The following SLC9C1 variants were observed in gnomAD, a reference collection of about 807,000 sequenced individuals.
SLC9C1 encodes sodium/hydrogen exchanger 10.
SLC9C1 carries 97 observed loss-of-function variants against 140.9 expected under a neutral mutation model. The ratio of observed to expected loss-of-function variants is 0.69; its 90% confidence interval spans 0.58 to 0.82. The LOEUF (loss-of-function observed/expected upper bound fraction) is 0.82. Ranked by LOEUF, SLC9C1 falls within the 40% of genes least tolerant of loss-of-function variation. The probability of loss-of-function intolerance (pLI) is 0.00; values close to 1 mark genes in which losing one functional copy is unlikely to be tolerated. For missense variants in SLC9C1, 1,340 were observed against 1,389.3 expected, an observed-to-expected ratio of 0.96 and a Z score of 0.56; for synonymous variants, 440 against 442.6, an observed-to-expected ratio of 0.99 and a Z score of 0.07.
At position 112,224,112 on chromosome 3, in the gene SLC9C1, A is replaced by G. The variant is rs529865343; in HGVS notation, c.1573-2887T>C. ...GTTCTCTACCCATGGTAGCATAGCCAGCTCCCTCATTCACAAGGGAGCAGA... is the reference window on the plus strand; with the variant it reads ...GTTCTCTACCCATGGTAGCATAGCCGGCTCCCTCATTCACAAGGGAGCAGA... On this transcript the variant is annotated intron_variant, in intron 13 of 28. Coordinates refer to ENST00000305815, the MANE Select transcript of SLC9C1 (RefSeq NM_183061.3). Among the ~76,000 whole-genome samples the G allele has an allele frequency of 2.6e-5, 4 of 152,308 alleles. No individual in the cohort carries two copies. In the East Asian group the frequency reaches 5.8e-4, roughly 22 times the overall value.
At chr3:112,289,955 T>G (rs1013185088) in intron 1 of SLC9C1, among the ~76,000 whole-genome samples, 1 of 152,176 alleles carries the variant, frequency 6.6e-6, no homozygotes, top group Non-Finnish European at 1.5e-5. Context: ...GTTAATTTAA[T>G]TCTTCTGGGG....
rs1170807893 is a variant in SLC9C1 at position 112,151,849 on chromosome 3, T to A, written c.3524+8A>T. 1 of 1,609,426 alleles carries A rather than the reference T, an allele frequency of 6.2e-7. No individual in the cohort carries two copies. Among genetic ancestry groups the A allele is most frequent in the Non-Finnish European group, 8.5e-7 (1 of 1,177,294 alleles). ...CCTGATCCTGTTGAGGAAACCAGAG[T>A]GGCTTACCTGACTTTCCTTAGGTTT... On this transcript the variant is annotated splice_region_variant and intron_variant, in intron 28 of 28. Transcript: ENST00000305815.
Position 112,217,494 on chromosome 3 carries a change from G to A in SLC9C1, c.1738C>T (p.Leu580=). 1 of 1,610,028 alleles carries A rather than the reference G, an allele frequency of 6.2e-7. No homozygotes were observed. Among genetic ancestry groups the A allele is most frequent in the Non-Finnish European group, 8.5e-7 (1 of 1,178,618 alleles). ...GTATTATACACCCAATTAAGTAGTAGTTTTCTAGCAAAGGTAACTGTTTTT... is the reference window on the plus strand; with the variant it reads ...GTATTATACACCCAATTAAGTAGTAATTTTCTAGCAAAGGTAACTGTTTTT... ...SQKTVTFARK[L]LLNWVYNTRK... is the part of the protein sequence containing the mutation. Residue 580 remains leucine (L), a synonymous_variant, in exon 15 of 29, where the codon CTA becomes TTA. Coordinates refer to ENST00000305815, the MANE Select transcript of SLC9C1 (RefSeq NM_183061.3).
intron 10 of SLC9C1, among the ~76,000 whole-genome samples, chr3:112,256,838 C>G (rs1356298276): frequency 6.6e-6 from 1 of 152,080 alleles, no homozygotes; most frequent in East Asian, 1.9e-4. Flanking sequence ...AAATCTCCAT[C>G]AACTGGTAAA....
chr3:112,247,863 T>A (rs2108245196), intron 10 of SLC9C1, among the ~76,000 whole-genome samples: 1 of 131,560 alleles, frequency 7.6e-6, no homozygotes, highest in African/African-American at 2.9e-5. Context: ...GGTACTCAGT[T>A]TACTCTTGAG....
intron 13 of SLC9C1, among the ~76,000 whole-genome samples, chr3:112,225,263 C>A (rs2078652155): frequency 6.6e-6 from 1 of 152,082 alleles, no homozygotes. Context: ...AAACTTTCAA[C>A]CAACAATACT....
At chr3:112,188,350 A>T (rs998711375) in intron 20 of SLC9C1, among the ~76,000 whole-genome samples, 5 of 151,754 alleles carry the variant, frequency 3.3e-5, no homozygotes, top group Non-Finnish European at 7.4e-5. Flanking sequence ...CTCATCATTT[A>T]CATTAGGTAT....
intron 26 of SLC9C1, among the ~76,000 whole-genome samples, chr3:112,163,927 C>T (rs377132526): frequency 9.2e-5 from 14 of 152,170 alleles, no homozygotes; most frequent in Middle Eastern, 3.4e-3. Context: ...GTAGGTCACT[C>T]AGGACTTGCT....
chr3:112,161,093 C>A (rs2075284210), intron 26 of SLC9C1, among the ~76,000 whole-genome samples: 1 of 152,156 alleles, frequency 6.6e-6, no homozygotes, highest in Non-Finnish European at 1.5e-5. Flanking sequence ...TGTTCATGTC[C>A]TTCACCCACT....
At chr3:112,164,753 G>C (rs1233976189) in intron 26 of SLC9C1, among the ~76,000 whole-genome samples, 1 of 151,554 alleles carries the variant, frequency 6.6e-6, no homozygotes, top group Non-Finnish European at 1.5e-5. Context: ...TATGTGTCTT[G>C]GAGTTGCTCT....
chr3:112,254,800 G>A (rs1299662220), intron 10 of SLC9C1, among the ~76,000 whole-genome samples: 1 of 152,048 alleles, frequency 6.6e-6, no homozygotes, highest in Non-Finnish European at 1.5e-5. Flanking sequence ...AGAGCAGCAA[G>A]CTGGATAAAG....
At chr3:112,217,143 G>T (rs1014102587) in intron 15 of SLC9C1, among the ~76,000 whole-genome samples, 3 of 152,138 alleles carry the variant, frequency 2.0e-5, no homozygotes, top group Non-Finnish European at 4.4e-5. Flanking sequence ...CTCATAGGTG[G>T]GAACTGAACA....
chr3:112,269,958 T>C lies in SLC9C1; in HGVS notation c.733A>G (p.Ile245Val), dbSNP rs769756228. 5.0e-6 allele frequency: 8 copies of C among 1,595,426 alleles called. No homozygotes were observed. The highest frequency in any genetic ancestry group is 3.5e-5 in the Admixed American group (2 of 56,734). ...TACAGAATTGAAAAGATGAGACTTA[T>C]ATGATTGACATCATCACCAAAAACA... ...STVFGDDVNH[I>V]SLIFSILYLI... Residue 245 changes from isoleucine (I) to valine (V), a missense_variant, in exon 7 of 29, where the codon ATA becomes GTA. By Grantham distance (29) the Ile-to-Val change is conservative (BLOSUM62 3). Coordinates refer to ENST00000305815, the MANE Select transcript of SLC9C1 (RefSeq NM_183061.3).
chr3:112,213,742 C>A (rs1030953501), intron 15 of SLC9C1, among the ~76,000 whole-genome samples: 1 of 152,166 alleles, frequency 6.6e-6, no homozygotes, highest in African/African-American at 2.4e-5. Flanking sequence ...ACTTAAGACT[C>A]CCACACAATA....
At chr3:112,253,479 G>T (rs2079520736) in intron 10 of SLC9C1, among the ~76,000 whole-genome samples, 1 of 152,114 alleles carries the variant, frequency 6.6e-6, no homozygotes, top group Non-Finnish European at 1.5e-5. Context: ...ACCACCTACT[G>T]GTTCACACCC....
chr3:112,152,009 T>G lies in SLC9C1; in HGVS notation c.3418-46A>C, dbSNP rs759338052. The G allele has an allele frequency of 2.3e-5, 34 of 1,482,202 alleles. No individual in the cohort carries two copies. In the African/African-American group the frequency reaches 4.9e-4, roughly 21 times the overall value. The allele number at this position is 1,482,202 out of a possible 1,614,324, so 91.8% of individuals were successfully genotyped here. ...TTACTTGATGTCATGATAGGCCTTTTGAAGGGGGCCTGCCCCTCCACACCT... is the reference window on the plus strand; with the variant it reads ...TTACTTGATGTCATGATAGGCCTTTGGAAGGGGGCCTGCCCCTCCACACCT... On this transcript the variant is annotated intron_variant, in intron 27 of 28. Coordinates refer to ENST00000305815, the MANE Select transcript of SLC9C1 (RefSeq NM_183061.3).
chr3:112,243,957 T>G, intron 11 of SLC9C1, 38 bp downstream of exon 11: 1 of 1,376,776 alleles, frequency 7.3e-7, no homozygotes, highest in Non-Finnish European at 1.0e-6. Context: ...ACTTAGAATG[T>G]TTTTCTCTCC....
intron 10 of SLC9C1, among the ~76,000 whole-genome samples, chr3:112,253,139 C>T (rs1394885756): frequency 6.6e-6 from 1 of 152,194 alleles, no homozygotes; most frequent in Non-Finnish European, 1.5e-5. Flanking sequence ...CAGCACAGAT[C>T]CCGCATTCTG....
At chr3:112,280,889 A>T (rs199851723) in intron 2 of SLC9C1, 106 bp from the exon 3 acceptor site, 1 of 955,342 alleles carries the variant, frequency 1.0e-6, no homozygotes, top group Non-Finnish European at 1.6e-6. Context: ...CAGTTTCACT[A>T]CTTTTCATGA....
Sources: gnomAD v4.1 joint callset for allele counts (sites outside exome capture counted in the v4.1 genomes callset) on GRCh38, gnomAD v4.1.1 for gene constraint, MANE v1.5 for transcripts, NCBI Gene and HGNC (gene_info 2026-07-23, HGNC 2026-07-21) for gene names.